GOSR1: variants seen among roughly 807,000 people sequenced by gnomAD.
GOSR1 encodes the protein 28 kDa Golgi SNARE protein.
A neutral mutation model predicts 35.5 loss-of-function variants in GOSR1; 21 were observed. The observed-to-expected ratio is 0.59, with a 90% CI of 0.42 to 0.85. GOSR1 has a LOEUF of 0.85. Ranked by LOEUF, GOSR1 falls within the 40% of genes least tolerant of loss-of-function variation. The pLI, the probability that GOSR1 is intolerant of heterozygous loss-of-function variation, is 0.00. For missense variants in GOSR1, 285 were observed against 309.6 expected (o/e 0.92, Z 0.60); for synonymous variants, 94 against 106.6 (o/e 0.88, Z 0.73).
At chr17:30,489,986 A>T in intron 4 of GOSR1, 140 bp from the exon 5 acceptor site, 1 of 585,458 alleles carries the variant, frequency 1.7e-6, no homozygotes, top group Non-Finnish European at 3.1e-6. Context: ...TTTTAAAGTT[A>T]TTTTTACCTT....
chr17:30,505,820 G>C (rs1402806298), intron 6 of GOSR1, among the ~76,000 whole-genome samples: 1 of 152,132 alleles, frequency 6.6e-6, no homozygotes, highest in Admixed American at 6.5e-5. Flanking sequence ...CCTCCACCTT[G>C]TGGGCTCAAG....
At chr17:30,514,345 C>T (rs1269019650) in intron 7 of GOSR1, among the ~76,000 whole-genome samples, 1 of 152,180 alleles carries the variant, frequency 6.6e-6, no homozygotes, top group Non-Finnish European at 1.5e-5. Flanking sequence ...GGGATTAGTG[C>T]CTTCCACTTT....
intron 7 of GOSR1, among the ~76,000 whole-genome samples, chr17:30,516,644 A>G (rs565379547): frequency 6.6e-6 from 1 of 152,292 alleles, no homozygotes; most frequent in East Asian, 1.9e-4. Flanking sequence ...TTCATATTCT[A>G]TACATTCTGT....
At chr17:30,478,715 C>T (rs1305401428) in intron 1 of GOSR1, 3 of 152,166 alleles carry the variant, frequency 2.0e-5, no homozygotes, top group African/African-American at 7.2e-5. Flanking sequence ...TGCCACCACG[C>T]CTGGCTAATT....
intron 7 of GOSR1, among the ~76,000 whole-genome samples, chr17:30,517,110 G>T (rs767368351): frequency 6.6e-6 from 1 of 151,972 alleles, no homozygotes. Flanking sequence ...TGTTAATTTT[G>T]TGTGTGTGTG....
chr17:30,510,769 A>G (rs1296698595), intron 6 of GOSR1, 111 bp from the exon 7 acceptor site: 1 of 626,880 alleles, frequency 1.6e-6, no homozygotes, highest in South Asian at 2.1e-5. Flanking sequence ...AAAAAGCTAG[A>G]CATTCTGTAT....
At chr17:30,496,891 A>G (rs1279618211) in intron 6 of GOSR1, among the ~76,000 whole-genome samples, 1 of 152,234 alleles carries the variant, frequency 6.6e-6, no homozygotes, top group Non-Finnish European at 1.5e-5. Context: ...CTGTTTTCAT[A>G]GAAGTACTCT....
At chr17:30,513,193 A>G (rs1230447702) in intron 7 of GOSR1, among the ~76,000 whole-genome samples, 3 of 152,196 alleles carry the variant, frequency 2.0e-5, no homozygotes, top group Non-Finnish European at 2.9e-5. Context: ...AGACTTTGAC[A>G]TCAACTTATT....
chr17:30,492,774 C>CCAT (rs1214776090), intron 6 of GOSR1, 21 bp downstream of exon 6: 1 of 1,392,742 alleles, frequency 7.2e-7, no homozygotes, highest in African/African-American at 1.4e-5. Flanking sequence ...AATGTATGTG[C>CCAT]ATTATGTGGT....
At chr17:30,514,629 CT>C (rs1967733083) in intron 7 of GOSR1, among the ~76,000 whole-genome samples, 1 of 152,196 alleles carries the variant, frequency 6.6e-6, no homozygotes, top group Non-Finnish European at 1.5e-5. Flanking sequence ...TGAGTGAACT[CT>C]TACAATCTGG....
rs537846953 is a variant in GOSR1, at chr17:30,495,045, G to A, written c.509+2292G>A. ...TCTACTAAAAATACAAAAATTAGCC[G>A]GGTATGGTGGTGGGCACCTGTAATC... On this transcript the variant is annotated intron_variant, in intron 6 of 8. Transcript: ENST00000451249. Among the ~76,000 whole-genome samples the A allele has an allele frequency of 2.5e-3, 373 of 151,570 alleles. 1 individual carries two copies. Among genetic ancestry groups the A allele is most frequent in the African/African-American group, 8.6e-3 (357 of 41,298 alleles).
intron 6 of GOSR1, chr17:30,495,505 T>G: frequency 2.2e-6 from 1 of 450,232 alleles, no homozygotes; most frequent in South Asian, 1.6e-5. Context: ...TCTGGATTCC[T>G]TTAATGCCAG....
chr17:30,491,585 G>T (rs1420060499), intron 5 of GOSR1, among the ~76,000 whole-genome samples: 2 of 152,136 alleles, frequency 1.3e-5, no homozygotes, highest in Admixed American at 6.5e-5. Context: ...GTTTAACCTG[G>T]GATGTGGAGG....
In GOSR1 at chr17:30,484,705, G is replaced by A. The variant is rs201498132; in HGVS notation, c.277G>A (p.Ala93Thr). 66 of 1,594,646 alleles carry A rather than the reference G, an allele frequency of 4.1e-5. No individual in the cohort carries two copies. The East Asian group carries it at 1.2e-3, about 29-fold the overall frequency. Residue 93 changes from alanine (A) to threonine (T), a missense_variant, in exon 4 of 9, where the codon GCA becomes ACA. Around this residue, in one of 3 missense-constraint regions of GOSR1, gnomAD observed 9 missense variants for 27.4 expected, o/e 0.33. Coordinates refer to ENST00000451249, the MANE Select transcript of GOSR1 (RefSeq NM_001007025.2). Reference protein sequence around the residue: ...NDKMAEYTNSAGVPSLNAALM... With the variant: ...NDKMAEYTNSTGVPSLNAALM... ...TAAAATGGCAGAATATACCAACAGT[G>A]CAGGTGTCCCCTCCTTGAATGCAGC...
At chr17:30,509,142 A>AT (rs1169930491) in intron 6 of GOSR1, among the ~76,000 whole-genome samples, 1 of 151,990 alleles carries the variant, frequency 6.6e-6, no homozygotes, top group Non-Finnish European at 1.5e-5. Context: ...TGCCCAGCTA[A>AT]TTTTTGTATT....
At chr17:30,502,562 T>G (rs531725241) in intron 6 of GOSR1, among the ~76,000 whole-genome samples, 1 of 152,360 alleles carries the variant, frequency 6.6e-6, no homozygotes, top group African/African-American at 2.4e-5. Flanking sequence ...ATTTTTTTAT[T>G]TTCTCCTTGA....
rs1281977578 is a variant in GOSR1, at chr17:30,482,854, T to C, written c.147-1360T>C. 3 of 152,246 alleles carry C rather than the reference T, an allele frequency of 2.0e-5. No homozygotes were observed. In the East Asian group the frequency reaches 5.8e-4, roughly 29 times the overall value. 9.4% of individuals were successfully genotyped at this position (152,246 alleles called of 1,614,324 possible). ...GAATGTTCTTTCTATGCATTTTCTA[T>C]GTTCTGTGTGCTTCATGAACTAATA... is the stretch of plus-strand genomic sequence containing the variant. On this transcript the variant is annotated intron_variant, in intron 2 of 8. Coordinates refer to ENST00000451249, the MANE Select transcript of GOSR1 (RefSeq NM_001007025.2).
intron 7 of GOSR1, among the ~76,000 whole-genome samples, chr17:30,516,469 CAAACA>C (rs1445194685): frequency 9.0e-6 from 1 of 111,228 alleles, no homozygotes; most frequent in Non-Finnish European, 1.8e-5. Flanking sequence ...GACTCCGTCT[CAAACA>C]AAAAAAAAGA....
chr17:30,518,126 A>T (rs1488802990), intron 7 of GOSR1, among the ~76,000 whole-genome samples: 2 of 152,158 alleles, frequency 1.3e-5, no homozygotes, highest in Non-Finnish European at 2.9e-5. Flanking sequence ...ACCCCTGTGT[A>T]TGCAGATCCA....
Sources: allele counts gnomAD v4.1 joint callset (sites outside exome capture counted in the v4.1 genomes callset), GRCh38; gene constraint gnomAD v4.1.1; regional missense constraint gnomAD v4.1.1; transcripts MANE v1.5; gene names NCBI Gene and HGNC (gene_info 2026-07-23, HGNC 2026-07-21).